Variants in SAMD12 observed in about 807,000 individuals in gnomAD.
SAMD12 encodes sterile alpha motif domain containing 12.
SAMD12 carries 9 observed loss-of-function variants against 15.0 expected under a neutral mutation model. The ratio of observed to expected loss-of-function variants is 0.60; its 90% CI spans 0.36 to 1.05. SAMD12 has a LOEUF of 1.05. Ranked by LOEUF, SAMD12 falls within the 50% of genes least tolerant of loss-of-function variation. The pLI is 0.01. For missense variants in SAMD12, 230 were observed against 234.2 expected, an observed-to-expected ratio of 0.98 and a Z score of 0.12; for synonymous variants, 86 against 90.1, an observed-to-expected ratio of 0.96 and a Z score of 0.25.
intron 1 of SAMD12, among the ~76,000 whole-genome samples, chr8:118,600,724 T>A (rs1827840582): frequency 6.6e-6 from 1 of 152,194 alleles, no homozygotes; most frequent in Non-Finnish European, 1.5e-5. Context: ...AAGGACTATT[T>A]CCCATCTCAA....
At position 118,341,741 on chromosome 8, in the gene SAMD12, T is replaced by G. The variant is rs72675889; in HGVS notation, c.433+37819A>C. 2.2e-3 allele frequency among the ~76,000 whole-genome samples: 334 copies of G among 152,308 alleles called. 1 individual carries two copies. The highest frequency in any genetic ancestry group is 3.0e-3 in the Non-Finnish European group (202 of 68,016). ...ACCTCCAAATGCCATCAGATTGGGA[T>G]TAGTGTTTTGACATATCAATTTCGG... On this transcript the variant is annotated intron_variant, in intron 4 of 4. Transcript: ENST00000409003.
intron 4 of SAMD12, chr8:118,285,112 TC>T (rs1813903268): frequency 6.6e-6 from 1 of 152,074 alleles, no homozygotes; most frequent in Non-Finnish European, 1.5e-5. Context: ...CTTTTTTTTT[TC>T]TTTTTCTGCT....
intron 2 of SAMD12, among the ~76,000 whole-genome samples, chr8:118,513,744 T>A (rs532791227): frequency 2.0e-5 from 3 of 152,306 alleles, no homozygotes; most frequent in South Asian, 4.1e-4. Flanking sequence ...TATTGTCTAC[T>A]GGGGACTAGA....
intron 4 of SAMD12, among the ~76,000 whole-genome samples, chr8:118,280,917 G>A (rs138595769): frequency 1.2e-3 from 185 of 152,240 alleles, no homozygotes; most frequent in Non-Finnish European, 1.4e-3. Context: ...TGTATTCTGC[G>A]TCCTCAAGCG....
intron 3 of SAMD12, among the ~76,000 whole-genome samples, chr8:118,434,502 C>T (rs1822515340): frequency 2.0e-5 from 3 of 152,176 alleles, no homozygotes; most frequent in Non-Finnish European, 2.9e-5. Flanking sequence ...GGAAGGAACC[C>T]TTCACAGATA....
chr8:118,267,518 A>G (rs1813233040), intron 4 of SAMD12, among the ~76,000 whole-genome samples: 1 of 152,102 alleles, frequency 6.6e-6, no homozygotes, highest in Non-Finnish European at 1.5e-5. Flanking sequence ...TAGCATGTGG[A>G]CAGAGTGGGT....
chr8:118,145,635 G>T, the SAMD12 span, among the ~76,000 whole-genome samples: 1 of 152,198 alleles, frequency 6.6e-6, no homozygotes, highest in Non-Finnish European at 1.5e-5. Flanking sequence ...AGAGTAAGCC[G>T]TGAACGTGAA....
At chr8:118,325,039 A>G (rs7831226) in intron 4 of SAMD12, among the ~76,000 whole-genome samples, 75,285 of 152,026 alleles carry the variant, frequency 0.5, 21,343 homozygotes, top group African/African-American at 0.8. Flanking sequence ...GACTGGGAAG[A>G]GATGGCTACT....
intron 4 of SAMD12, among the ~76,000 whole-genome samples, chr8:118,246,942 C>T (rs571850432): frequency 6.6e-6 from 1 of 152,052 alleles, no homozygotes; most frequent in South Asian, 2.1e-4. Flanking sequence ...TGGCTGGCAA[C>T]GTGACTGAAG....
At chr8:118,313,214 G>T (rs543638725) in intron 4 of SAMD12, among the ~76,000 whole-genome samples, 1 of 152,148 alleles carries the variant, frequency 6.6e-6, no homozygotes, top group Non-Finnish European at 1.5e-5. Flanking sequence ...AATCCATGTG[G>T]AATATAAGCC....
At chr8:118,473,874 T>C (rs1823881962) in intron 2 of SAMD12, among the ~76,000 whole-genome samples, 1 of 152,188 alleles carries the variant, frequency 6.6e-6, no homozygotes, top group Non-Finnish European at 1.5e-5. Context: ...CACAGGTCCA[T>C]CCAACAACAA....
At chr8:118,586,867 T>C (rs1054209568) in intron 1 of SAMD12, among the ~76,000 whole-genome samples, 29 of 152,254 alleles carry the variant, frequency 1.9e-4, no homozygotes, top group African/African-American at 6.5e-4. Context: ...GATTGAATCC[T>C]ACTCACTGCC....
At chr8:118,264,314 C>A (rs367548487) in intron 4 of SAMD12, among the ~76,000 whole-genome samples, 2 of 152,130 alleles carry the variant, frequency 1.3e-5, no homozygotes, top group Non-Finnish European at 2.9e-5. Flanking sequence ...TGCTAGCCAT[C>A]TTTTACAAAA....
intron 3 of SAMD12, chr8:118,400,186 T>C (rs1820799086): frequency 6.6e-6 from 1 of 152,224 alleles, no homozygotes. Context: ...AGAGGGCTTG[T>C]TCTATGCCAG....
intron 4 of SAMD12, among the ~76,000 whole-genome samples, chr8:118,234,710 C>CAAAAAAAAA (rs10647591): frequency 4.7e-5 from 5 of 105,596 alleles, no homozygotes; most frequent in Non-Finnish European, 9.0e-5. Flanking sequence ...GACTCCATCT[C>CAAAAAAAAA]AAAAAAAAAA....
chr8:118,436,440 A>C (rs528302107), intron 3 of SAMD12, among the ~76,000 whole-genome samples: 1 of 152,308 alleles, frequency 6.6e-6, no homozygotes, highest in Non-Finnish European at 1.5e-5. Context: ...CAGAAAACCT[A>C]TCTCTGTTTT....
intron 1 of SAMD12, among the ~76,000 whole-genome samples, chr8:118,593,206 GA>G (rs1827631114): frequency 6.6e-6 from 1 of 152,166 alleles, no homozygotes; most frequent in African/African-American, 2.4e-5. Context: ...ATATAATGAT[GA>G]AGGAAATGGA....
intron 4 of SAMD12, among the ~76,000 whole-genome samples, chr8:118,367,692 A>G (rs781098558): frequency 1.3e-5 from 2 of 152,182 alleles, no homozygotes; most frequent in Non-Finnish European, 1.5e-5. Flanking sequence ...AGTTCCCTAA[A>G]ATTACTCATC....
intron 1 of SAMD12, among the ~76,000 whole-genome samples, chr8:118,611,557 A>C (rs930281848): frequency 6.6e-6 from 1 of 150,972 alleles, no homozygotes; most frequent in Non-Finnish European, 1.5e-5. Flanking sequence ...CTGGTCATCA[A>C]GCAGGAAATA....
Sources: gnomAD v4.1 joint callset for allele counts (sites outside exome capture counted in the v4.1 genomes callset) on GRCh38, gnomAD v4.1.1 for gene constraint, MANE v1.5 for transcripts, NCBI Gene and HGNC (gene_info 2026-07-23, HGNC 2026-07-21) for gene names.